Variants in SRGAP3 observed in about 807,000 individuals in gnomAD.
The protein encoded by SRGAP3 is SLIT-ROBO Rho GTPase-activating protein 3.
Under a neutral mutation model 121.1 loss-of-function variants are expected in SRGAP3, and 39 were observed. The observed-to-expected ratio is 0.32, with a 90% CI of 0.25 to 0.42. The LOEUF is 0.42. SRGAP3 is among the 10% of genes least tolerant of loss of function. The pLI is 1.00. For synonymous variants in SRGAP3, 601 were observed against 570.0 expected (o/e 1.05, Z -0.77); for missense variants, 1,213 against 1,470.6 (o/e 0.82, Z 2.86).
At chr3:9,032,511 C>A in intron 12 of SRGAP3, 139 bp downstream of exon 12, 1 of 795,600 alleles carries the variant, frequency 1.3e-6, no homozygotes. Flanking sequence ...CTTGCTGAAG[C>A]TAAGAGCAGG....
rs138699931 is a variant in SRGAP3, at chr3:9,285,715, G to A, written n.442+40295C>T. Among the ~76,000 whole-genome samples, 919 of 151,510 alleles carry A rather than the reference G, an allele frequency of 6.1e-3. 2 individuals are homozygous for A. The highest frequency in any genetic ancestry group is 0.011 in the Non-Finnish European group (771 of 67,938). ...GGAAGCTGAGGCAGGCAGATTACTT[G>A]AGCCTAGGAGTTATTCAAAGTCCAG... On this transcript the variant is annotated intron_variant and non_coding_transcript_variant, in intron 3 of 3. Coordinates refer to the SRGAP3 transcript ENST00000490889.
At chr3:9,314,025 T>TA (rs1955300029) in intron 3 of SRGAP3, among the ~76,000 whole-genome samples, 1 of 152,236 alleles carries the variant, frequency 6.6e-6, no homozygotes, top group Non-Finnish European at 1.5e-5. Context: ...TAATTTATTT[T>TA]GTTTTTTGTA....
chr3:9,207,719 C>T (rs779007898), intron 1 of SRGAP3, among the ~76,000 whole-genome samples: 7 of 152,104 alleles, frequency 4.6e-5, no homozygotes, highest in Non-Finnish European at 1.0e-4. Flanking sequence ...GTGAGGTAGC[C>T]GGGCCTTTGG....
chr3:8,992,314 A>G (rs1275794069), intron 20 of SRGAP3, among the ~76,000 whole-genome samples: 2 of 152,212 alleles, frequency 1.3e-5, no homozygotes, highest in Admixed American at 1.3e-4. Context: ...TTAAAAAATA[A>G]CCACATACTT....
chr3:9,074,669 C>T (rs960823176), intron 4 of SRGAP3, among the ~76,000 whole-genome samples: 2 of 152,330 alleles, frequency 1.3e-5, no homozygotes, highest in Middle Eastern at 3.4e-3. Flanking sequence ...CTCCCAGTCT[C>T]AGCTCTCTCC....
intron 1 of SRGAP3, among the ~76,000 whole-genome samples, chr3:9,181,023 T>C (rs1216202849): frequency 6.6e-6 from 1 of 152,226 alleles, no homozygotes; most frequent in Non-Finnish European, 1.5e-5. Flanking sequence ...AAAGTGCATG[T>C]GATTTGGAAG....
chr3:9,212,912 A>G (rs1206025974), intron 1 of SRGAP3, among the ~76,000 whole-genome samples: 2 of 152,232 alleles, frequency 1.3e-5, no homozygotes, highest in Non-Finnish European at 2.9e-5. Flanking sequence ...CCAGGCTACA[A>G]AGCAGAAATC....
chr3:9,357,365 T>C (rs1273294345), intron 1 of SRGAP3, among the ~76,000 whole-genome samples: 2 of 152,158 alleles, frequency 1.3e-5, no homozygotes, highest in African/African-American at 4.8e-5. Context: ...CATGTAGGTA[T>C]TTCTCAACAA....
intron 2 of SRGAP3, among the ~76,000 whole-genome samples, chr3:9,106,562 A>T (rs2124919499): frequency 6.6e-6 from 1 of 152,212 alleles, no homozygotes; most frequent in South Asian, 2.1e-4. Context: ...CAGAATTCCC[A>T]CATGTTGTGG....
At chr3:9,244,140 C>T (rs1198284961) in intron 1 of SRGAP3, among the ~76,000 whole-genome samples, 1 of 152,192 alleles carries the variant, frequency 6.6e-6, no homozygotes, top group Non-Finnish European at 1.5e-5. Flanking sequence ...ATGATATACG[C>T]TCTAAGATTC....
At chr3:9,188,206 A>G (rs1951656483) in intron 1 of SRGAP3, among the ~76,000 whole-genome samples, 1 of 152,256 alleles carries the variant, frequency 6.6e-6, no homozygotes, top group Non-Finnish European at 1.5e-5. Flanking sequence ...ATCCATGACC[A>G]AAATTAATAG....
At chr3:9,189,538 T>C (rs577209626) in intron 1 of SRGAP3, among the ~76,000 whole-genome samples, 3 of 152,170 alleles carry the variant, frequency 2.0e-5, no homozygotes, top group African/African-American at 7.2e-5. Flanking sequence ...GGGACACACA[T>C]CCAAACTGTA....
chr3:8,993,869 G>A (rs1226268873), intron 19 of SRGAP3: 1 of 181,998 alleles, frequency 5.5e-6, no homozygotes, highest in Non-Finnish European at 1.2e-5. Context: ...GTAGGACTAG[G>A]CATTTGGGAT....
intron 1 of SRGAP3, among the ~76,000 whole-genome samples, chr3:9,163,262 G>A (rs574469790): frequency 2.0e-5 from 3 of 152,336 alleles, no homozygotes; most frequent in East Asian, 1.9e-4. Context: ...GCCCACTCTC[G>A]TGGGAGAGAT....
chr3:9,066,761 A>G (rs1026493722), intron 4 of SRGAP3, among the ~76,000 whole-genome samples: 2 of 152,212 alleles, frequency 1.3e-5, no homozygotes, highest in Non-Finnish European at 2.9e-5. Context: ...GACCTCCCAA[A>G]GTGTTAAGAT....
intron 2 of SRGAP3, among the ~76,000 whole-genome samples, chr3:9,328,175 C>T (rs536385864): frequency 6.6e-6 from 1 of 152,250 alleles, no homozygotes; most frequent in Non-Finnish European, 1.5e-5. Flanking sequence ...GAACTAAAGG[C>T]ATTACAGTTT....
At chr3:9,289,223 T>G (rs186835588) in intron 3 of SRGAP3, among the ~76,000 whole-genome samples, 1 of 152,318 alleles carries the variant, frequency 6.6e-6, no homozygotes, top group South Asian at 2.1e-4. Flanking sequence ...TAATTCTTTA[T>G]TCACAATTTT....
intron 15 of SRGAP3, chr3:9,014,075 G>A (rs756356178): frequency 2.8e-5 from 16 of 574,424 alleles, no homozygotes; most frequent in Admixed American, 5.2e-5. Flanking sequence ...TCGACTCTCC[G>A]GACTTGGTTG....
chr3:9,064,695 C>A, intron 4 of SRGAP3, 114 bp from the exon 5 acceptor site: 3 of 1,202,206 alleles, frequency 2.5e-6, no homozygotes, highest in Non-Finnish European at 3.5e-6. Context: ...TGCCCTGGTC[C>A]CAAAACACAC....
Sources: allele counts gnomAD v4.1 joint callset (sites outside exome capture counted in the v4.1 genomes callset), GRCh38; gene constraint gnomAD v4.1.1; transcripts MANE v1.5; gene names NCBI Gene and HGNC (gene_info 2026-07-23, HGNC 2026-07-21).